GALNT13: variants seen among roughly 807,000 people sequenced by gnomAD.
GALNT13 encodes UDP-GalNAc:polypeptide N-acetylgalactosaminyltransferase 13.
A neutral mutation model predicts 64.2 loss-of-function variants in GALNT13; 28 were observed. The ratio of observed to expected loss-of-function variants is 0.44; its 90% CI spans 0.32 to 0.60. The LOEUF is 0.60. Among genes scored for constraint, GALNT13 ranks in the 20% least tolerant of loss-of-function variants. The pLI, the probability that GALNT13 is intolerant of heterozygous loss-of-function variation, is 0.05. For synonymous variants in GALNT13, 214 were observed against 224.6 expected, an observed-to-expected ratio of 0.95 and a Z score of 0.42; for missense variants, 577 against 669.8, an observed-to-expected ratio of 0.86 and a Z score of 1.53.
intron 8 of GALNT13, among the ~76,000 whole-genome samples, chr2:154,300,932 C>G (rs552330667): frequency 6.6e-6 from 1 of 152,050 alleles, no homozygotes; most frequent in African/African-American, 2.4e-5. Context: ...ATAAAGGTGC[C>G]CTAACACATC....
chr2:153,541,127 A>G, the GALNT13 span, among the ~76,000 whole-genome samples: 1 of 152,150 alleles, frequency 6.6e-6, no homozygotes, highest in Non-Finnish European at 1.5e-5. Flanking sequence ...GGAGGGACCC[A>G]GTGGGAGGTG....
the GALNT13 span, among the ~76,000 whole-genome samples, chr2:153,589,695 A>G: frequency 6.6e-6 from 1 of 152,214 alleles, no homozygotes; most frequent in African/African-American, 2.4e-5. Flanking sequence ...GAATGGCCAC[A>G]AGCAAACAGA....
chr2:153,727,933 C>G, the GALNT13 span, among the ~76,000 whole-genome samples: 1 of 152,086 alleles, frequency 6.6e-6, no homozygotes, highest in Non-Finnish European at 1.5e-5. Flanking sequence ...TGTGATGTTC[C>G]CCTCCCTGTG....
the GALNT13 span, among the ~76,000 whole-genome samples, chr2:153,143,951 C>G: frequency 1.3e-5 from 2 of 151,954 alleles, no homozygotes; most frequent in Non-Finnish European, 2.9e-5. Context: ...TCTTAGCATC[C>G]TCACCCTAGG....
chr2:153,613,880 G>C, the GALNT13 span, among the ~76,000 whole-genome samples: 7 of 152,008 alleles, frequency 4.6e-5, no homozygotes, highest in African/African-American at 1.7e-4. Context: ...GGGGAGCAGG[G>C]AGGGATAGCA....
intron 4 of GALNT13, among the ~76,000 whole-genome samples, chr2:154,238,073 T>C (rs1214109801): frequency 6.6e-6 from 1 of 151,970 alleles, no homozygotes; most frequent in Non-Finnish European, 1.5e-5. Flanking sequence ...GAATCATGAG[T>C]TCATACCAGA....
chr2:153,438,416 A>C, the GALNT13 span, among the ~76,000 whole-genome samples: 2 of 152,150 alleles, frequency 1.3e-5, no homozygotes. Context: ...TATCCTGCAG[A>C]GTGTTTTCCA....
intron 9 of GALNT13, among the ~76,000 whole-genome samples, chr2:154,340,998 A>G: frequency 6.6e-6 from 1 of 152,174 alleles, no homozygotes; most frequent in Non-Finnish European, 1.5e-5. Flanking sequence ...ATTCATATAT[A>G]ATACATAGAT....
At chr2:154,047,017 A>C (rs1253806527) in intron 3 of GALNT13, among the ~76,000 whole-genome samples, 3 of 152,124 alleles carry the variant, frequency 2.0e-5, no homozygotes, top group Non-Finnish European at 2.9e-5. Flanking sequence ...TCCCTGAGTG[A>C]ATTTTTAGTA....
At chr2:153,771,337 G>A in the GALNT13 span, among the ~76,000 whole-genome samples, 1 of 152,180 alleles carries the variant, frequency 6.6e-6, no homozygotes, top group African/African-American at 2.4e-5. Context: ...GTGAGAGTGA[G>A]TGTGCTAAAT....
chr2:154,086,895 A>T (rs1016923272), intron 3 of GALNT13, among the ~76,000 whole-genome samples: 1 of 152,178 alleles, frequency 6.6e-6, no homozygotes, highest in Non-Finnish European at 1.5e-5. Context: ...TAGAACAAAC[A>T]AATATCACTT....
intron 9 of GALNT13, among the ~76,000 whole-genome samples, chr2:154,367,195 G>A (rs1414260933): frequency 1.3e-5 from 2 of 151,858 alleles, no homozygotes; most frequent in African/African-American, 2.4e-5. Flanking sequence ...TAAGTGATTC[G>A]AACATAAGCA....
At chr2:153,912,551 G>A (rs1689026004) in intron 2 of GALNT13, among the ~76,000 whole-genome samples, 1 of 151,776 alleles carries the variant, frequency 6.6e-6, no homozygotes, top group African/African-American at 2.4e-5. Context: ...TGTTCCTTCA[G>A]TATTTGAAGT....
chr2:153,630,746 A>T, the GALNT13 span, among the ~76,000 whole-genome samples: 1 of 134,912 alleles, frequency 7.4e-6, no homozygotes, highest in Non-Finnish European at 1.6e-5. Flanking sequence ...AAACCATAAA[A>T]AAAAATTTTA....
chr2:154,198,297 G>A (rs1165157454), intron 4 of GALNT13, among the ~76,000 whole-genome samples: 1 of 151,768 alleles, frequency 6.6e-6, no homozygotes, highest in Non-Finnish European at 1.5e-5. Context: ...GTTACCAGCA[G>A]GTTTAATTGT....
intron 8 of GALNT13, among the ~76,000 whole-genome samples, chr2:154,286,238 TG>T (rs1322168086): frequency 1.3e-5 from 2 of 152,230 alleles, no homozygotes; most frequent in East Asian, 3.9e-4. Flanking sequence ...GTGGCAAGAT[TG>T]GGCATTCTTG....
At chr2:153,123,494 G>C in the GALNT13 span, among the ~76,000 whole-genome samples, 1 of 152,184 alleles carries the variant, frequency 6.6e-6, no homozygotes, top group African/African-American at 2.4e-5. Context: ...AATGAAATAA[G>C]AAGTAATAAA....
the GALNT13 span, among the ~76,000 whole-genome samples, chr2:153,248,401 G>T: frequency 6.6e-6 from 1 of 152,106 alleles, no homozygotes; most frequent in Admixed American, 6.6e-5. Flanking sequence ...TGCAAGGCTG[G>T]TTCAACATAC....
intron 9 of GALNT13, among the ~76,000 whole-genome samples, chr2:154,354,574 G>C (rs1696615251): frequency 6.6e-6 from 1 of 150,870 alleles, no homozygotes; most frequent in Non-Finnish European, 1.5e-5. Flanking sequence ...TGTTCATTTT[G>C]AGTTATTCTT....
Sources: allele counts gnomAD v4.1 joint callset (sites outside exome capture counted in the v4.1 genomes callset), GRCh38; gene constraint gnomAD v4.1.1; transcripts MANE v1.5; gene names NCBI Gene and HGNC (gene_info 2026-07-23, HGNC 2026-07-21).